The following CYP27A1 variants were observed in gnomAD, a reference collection of about 807,000 sequenced individuals.
The protein encoded by CYP27A1 is sterol 26-hydroxylase, mitochondrial.
CYP27A1 carries 46 observed loss-of-function variants against 58.2 expected under a neutral mutation model. That is an observed-to-expected ratio of 0.79 (90% CI 0.62 to 1.01). The LOEUF (loss-of-function observed/expected upper bound fraction) is 1.01. Ranked by LOEUF, CYP27A1 falls within the 50% of genes least tolerant of loss-of-function variation. The pLI is 0.00. For synonymous variants in CYP27A1, 274 were observed against 285.1 expected (o/e 0.96, Z 0.39); for missense variants, 704 against 687.0 (o/e 1.02, Z -0.28).
chr2:218,813,936 T>C (rs1943752200), intron 5 of CYP27A1, 85 bp from the exon 6 acceptor site: 4 of 1,476,258 alleles, frequency 2.7e-6, no homozygotes, highest in Non-Finnish European at 3.8e-6. Context: ...CTCCCACATT[T>C]TGCATACACC....
At chr2:218,788,636 T>G (rs1430851668) in intron 1 of CYP27A1, among the ~76,000 whole-genome samples, 4 of 152,206 alleles carry the variant, frequency 2.6e-5, no homozygotes, top group Non-Finnish European at 4.4e-5. Context: ...AAATTCCATC[T>G]AGGCCTTGGA....
At chr2:218,787,658 T>C (rs1453766728) in intron 1 of CYP27A1, among the ~76,000 whole-genome samples, 1 of 152,162 alleles carries the variant, frequency 6.6e-6, no homozygotes, top group Non-Finnish European at 1.5e-5. Flanking sequence ...TGGTTACTGA[T>C]AAAAGATTAT....
At chr2:218,784,037 C>T (rs144069569) in intron 1 of CYP27A1, among the ~76,000 whole-genome samples, 1 of 151,958 alleles carries the variant, frequency 6.6e-6, no homozygotes, top group Admixed American at 6.6e-5. Context: ...AAGGCTCAGG[C>T]GTGGCAGGAT....
intron 8 of CYP27A1, 58 bp from the exon 9 acceptor site, chr2:218,814,853 C>T (rs1326520681): frequency 1.3e-5 from 21 of 1,613,862 alleles, no homozygotes; most frequent in Admixed American, 6.7e-5. Context: ...GTGTGCAGAG[C>T]GGGGAGTGGA....
chr2:218,815,055 T>C lies in CYP27A1; in HGVS notation c.*25T>C. On this transcript the variant is annotated 3_prime_UTR_variant, in exon 9 of 9. Transcript: ENST00000258415. ...AGCTGAGTCTCCGCCTTGCTGGGGC[T>C]TGTCCTAGAGGCTCCAGCTCTGGCA... The C allele has an allele frequency of 6.2e-7, 1 of 1,613,986 alleles. No homozygotes were observed. Among genetic ancestry groups the C allele is most frequent in the Non-Finnish European group, 8.5e-7 (1 of 1,179,948 alleles).
At chr2:218,813,171 G>C in intron 5 of CYP27A1, 75 bp downstream of exon 5, 1 of 1,368,902 alleles carries the variant, frequency 7.3e-7, no homozygotes, top group South Asian at 1.4e-5. Context: ...TCCCTCACCT[G>C]ATCCCGACCT....
At chr2:218,812,490 G>A (rs1028793371) in intron 3 of CYP27A1, 62 bp from the exon 4 acceptor site, 10 of 1,611,704 alleles carry the variant, frequency 6.2e-6, no homozygotes, top group Non-Finnish European at 8.5e-6. Flanking sequence ...CTCTCCTCAA[G>A]GGCTCCTGGA....
intron 1 of CYP27A1, among the ~76,000 whole-genome samples, chr2:218,785,755 A>G (rs1373576176): frequency 6.6e-6 from 1 of 152,156 alleles, no homozygotes; most frequent in African/African-American, 2.4e-5. Context: ...AGTCCTTCCC[A>G]TTACATGTGG....
rs892650143 is a variant in CYP27A1 at position 218,782,697 on chromosome 2, A to C, written c.255+260A>C. ...GGGGGGATCTGGACGCCGGACTTACAGTGAGCAGAGGTTGAGGAGGGAGCT... is the reference window on the plus strand; with the variant it reads ...GGGGGGATCTGGACGCCGGACTTACCGTGAGCAGAGGTTGAGGAGGGAGCT... On this transcript the variant is annotated intron_variant, in intron 1 of 8. Transcript: ENST00000258415. The surrounding 1 kb of genome is among the most constrained non-coding windows in gnomAD (Gnocchi z 4.1). Among the ~76,000 whole-genome samples, 2 of 152,190 alleles carry C rather than the reference A, an allele frequency of 1.3e-5. No individual in the cohort carries two copies. Among genetic ancestry groups the C allele is most frequent in the African/African-American group, 4.8e-5 (2 of 41,456 alleles).
chr2:218,807,064 A>T (rs1437827064), intron 1 of CYP27A1, among the ~76,000 whole-genome samples: 2 of 145,480 alleles, frequency 1.4e-5, no homozygotes, highest in African/African-American at 5.1e-5. Context: ...GGTTCAAGCG[A>T]TTCTCCTGCC....
At chr2:218,811,546 C>A (rs1205169226) in intron 2 of CYP27A1, among the ~76,000 whole-genome samples, 1 of 152,080 alleles carries the variant, frequency 6.6e-6, no homozygotes. Context: ...AAGGAGGAGG[C>A]CTGACCACCT....
chr2:218,813,106 G>A lies in CYP27A1; in HGVS notation c.1017+10G>A. Reference sequence around the variant, plus strand: ...GGCTGGAGTGGACACGGTGCGTGAAGGGGGAGGGTGAGACCAGGGGCCCCC... The same window carrying A: ...GGCTGGAGTGGACACGGTGCGTGAAAGGGGAGGGTGAGACCAGGGGCCCCC... On this transcript the variant is annotated intron_variant, in intron 5 of 8. Coordinates refer to ENST00000258415, the MANE Select transcript of CYP27A1 (RefSeq NM_000784.4). 1 of 1,602,548 alleles carries A rather than the reference G, an allele frequency of 6.2e-7. No homozygotes were observed. Among genetic ancestry groups the A allele is most frequent in the Non-Finnish European group, 8.5e-7 (1 of 1,173,208 alleles).
intron 1 of CYP27A1, among the ~76,000 whole-genome samples, chr2:218,792,064 TACAC>T (rs61540539): frequency 1.7e-4 from 26 of 150,058 alleles, no homozygotes; most frequent in African/African-American, 5.1e-4. Context: ...TAGAAGTCAC[TACAC>T]ACACACACAC....
At chr2:218,806,500 T>TTCCATAGAATA (rs1207474039) in intron 1 of CYP27A1, among the ~76,000 whole-genome samples, 2 of 152,378 alleles carry the variant, frequency 1.3e-5, no homozygotes, top group East Asian at 3.8e-4. Flanking sequence ...AACATAGAAT[T>TTCCATAGAATA]ATCCACTCCG....
rs1160640803 is a variant in CYP27A1, at chr2:218,809,720, G to C, written c.399G>C (p.Trp133Cys). The change falls in exon 2 of 9, where the codon TGG becomes TGC. Residue 133 changes from tryptophan (W) to cysteine (C), a missense_variant. By Grantham distance (215) the Trp-to-Cys change is radical (BLOSUM62 -2). Coordinates refer to ENST00000258415, the MANE Select transcript of CYP27A1 (RefSeq NM_000784.4). ...KYPVRNDMEL[W>C]KEHRDQHDLT... is the part of the protein sequence containing the mutation. ...CAGTACGGAACGACATGGAGCTATG[G>C]AAGGAGCACCGGGACCAGCACGACC... The C allele has an allele frequency of 1.2e-6, 2 of 1,613,996 alleles. No individual in the cohort carries two copies. Among genetic ancestry groups the C allele is most frequent in the African/African-American group, 1.3e-5 (1 of 74,924 alleles).
chr2:218,787,546 A>C (rs1943451672), intron 1 of CYP27A1, among the ~76,000 whole-genome samples: 1 of 152,152 alleles, frequency 6.6e-6, no homozygotes, highest in African/African-American at 2.4e-5. Flanking sequence ...ATGTTTCCTA[A>C]AGTTCATGTG....
rs1252402065 is a variant in CYP27A1 at position 218,783,906 on chromosome 2, T to G, written c.255+1469T>G. ...GCCTTGAAGATCAAGATAAGGGCCC[T>G]GGTTCCTCTGAGGGGCCATGGTGAG... On this transcript the variant is annotated intron_variant, in intron 1 of 8. Coordinates refer to ENST00000258415, the MANE Select transcript of CYP27A1 (RefSeq NM_000784.4). Among the ~76,000 whole-genome samples the G allele has an allele frequency of 6.6e-5, 10 of 152,246 alleles. No individual in the cohort carries two copies. The East Asian group carries it at 1.5e-3, about 24-fold the overall frequency.
intron 1 of CYP27A1, among the ~76,000 whole-genome samples, chr2:218,802,837 T>C (rs1478398796): frequency 6.6e-6 from 1 of 152,266 alleles, no homozygotes; most frequent in Non-Finnish European, 1.5e-5. Context: ...GGCTTTGGTT[T>C]GCATTTCCTT....
At chr2:218,812,882 A>G (rs1207407823) in intron 4 of CYP27A1, 42 bp from the exon 5 acceptor site, 62 of 1,613,554 alleles carry the variant, frequency 3.8e-5, no homozygotes, top group Non-Finnish European at 5.2e-5. Flanking sequence ...GGAGATCATG[A>G]CTTTTGGCTT....
Sources: gnomAD v4.1 joint callset for allele counts (sites outside exome capture counted in the v4.1 genomes callset) on GRCh38, gnomAD v4.1.1 for gene constraint, Gnocchi (gnomAD v3.1) non-coding constraint, MANE v1.5 for transcripts, NCBI Gene and HGNC (gene_info 2026-07-23, HGNC 2026-07-21) for gene names.